TXLNB: variants seen among roughly 807,000 people sequenced by gnomAD.
TXLNB encodes taxilin beta.
Under a neutral mutation model 57.4 loss-of-function variants are expected in TXLNB, and 37 were observed. The observed-to-expected ratio is 0.64, with a 90% CI of 0.50 to 0.85. The LOEUF (loss-of-function observed/expected upper bound fraction) is 0.85. Ranked by LOEUF, TXLNB falls within the 40% of genes least tolerant of loss-of-function variation. The pLI is 0.00. For synonymous variants in TXLNB, 302 were observed against 309.6 expected, an observed-to-expected ratio of 0.98 and a Z score of 0.26; for missense variants, 848 against 825.6, an observed-to-expected ratio of 1.03 and a Z score of -0.33.
At chr6:139,222,731 C>T in the TXLNB span, among the ~76,000 whole-genome samples, 4 of 152,088 alleles carry the variant, frequency 2.6e-5, no homozygotes, top group African/African-American at 4.8e-5. Flanking sequence ...GCTTAGAACC[C>T]GGGAGGTGGA....
At chr6:139,232,288 T>C in the TXLNB span, among the ~76,000 whole-genome samples, 1 of 152,158 alleles carries the variant, frequency 6.6e-6, no homozygotes, top group Non-Finnish European at 1.5e-5. Context: ...TCACTCACTA[T>C]CATGAGAACA....
the TXLNB span, among the ~76,000 whole-genome samples, chr6:139,321,333 C>T: frequency 6.6e-6 from 1 of 152,138 alleles, no homozygotes; most frequent in South Asian, 2.1e-4. Context: ...CAGAGAGTTG[C>T]CTTGTGCCTT....
chr6:139,319,879 A>G, the TXLNB span, among the ~76,000 whole-genome samples: 13 of 152,380 alleles, frequency 8.5e-5, no homozygotes, highest in Non-Finnish European at 1.8e-4. Flanking sequence ...ACAACAGGAA[A>G]TGAGACATTT....
chr6:139,207,540 G>A, the TXLNB span, among the ~76,000 whole-genome samples: 6 of 152,108 alleles, frequency 3.9e-5, no homozygotes, highest in South Asian at 2.1e-4. Context: ...CTGAAAGAGC[G>A]CAAATAGACG....
At chr6:139,281,099 C>G (rs985695562) in intron 2 of TXLNB, among the ~76,000 whole-genome samples, 1 of 151,910 alleles carries the variant, frequency 6.6e-6, no homozygotes, top group African/African-American at 2.4e-5. Flanking sequence ...TGTGTGGACT[C>G]TCAAACTCTC....
chr6:139,172,647 A>C, the TXLNB span, among the ~76,000 whole-genome samples: 2 of 152,208 alleles, frequency 1.3e-5, no homozygotes, highest in East Asian at 1.9e-4. Flanking sequence ...GACAATGTGT[A>C]GCAGAACTGA....
chr6:139,167,352 T>C, the TXLNB span: 3 of 1,487,998 alleles, frequency 2.0e-6, no homozygotes, highest in Middle Eastern at 5.3e-4. Context: ...CCTTGCCTGC[T>C]TTCTGTTTGT....
the TXLNB span, among the ~76,000 whole-genome samples, chr6:139,191,063 T>C: frequency 6.6e-6 from 1 of 152,186 alleles, no homozygotes; most frequent in Admixed American, 6.5e-5. Flanking sequence ...TGCCATTCAG[T>C]ACAGCAGCCT....
At chr6:139,174,413 C>T in the TXLNB span, 14 of 1,613,514 alleles carry the variant, frequency 8.7e-6, no homozygotes, top group African/African-American at 9.4e-5. Context: ...ATGCCGTGTG[C>T]GTGGACTGCC....
chr6:139,207,604 C>G, the TXLNB span, among the ~76,000 whole-genome samples: 1 of 151,972 alleles, frequency 6.6e-6, no homozygotes, highest in Admixed American at 6.6e-5. Flanking sequence ...TAAATACAAG[C>G]CCAGCAGAAG....
At chr6:139,246,593 G>T (rs370589198) in intron 8 of TXLNB, among the ~76,000 whole-genome samples, 4 of 152,008 alleles carry the variant, frequency 2.6e-5, no homozygotes, top group Admixed American at 2.0e-4. Flanking sequence ...TGTGAGTTAG[G>T]CAGGGAAAGT....
At chr6:139,284,419 TCG>T (rs1319278665) in intron 2 of TXLNB, among the ~76,000 whole-genome samples, 4 of 144,644 alleles carry the variant, frequency 2.8e-5, no homozygotes, top group Middle Eastern at 3.6e-3. Flanking sequence ...TCCCAGCTAC[TCG>T]AGAGGCTGAG....
the TXLNB span, among the ~76,000 whole-genome samples, chr6:139,181,547 A>G: frequency 6.6e-6 from 1 of 152,170 alleles, no homozygotes; most frequent in Non-Finnish European, 1.5e-5. Context: ...ATTTTACCCA[A>G]AAGTGACCCC....
At chr6:139,194,597 A>G in the TXLNB span, among the ~76,000 whole-genome samples, 1 of 152,218 alleles carries the variant, frequency 6.6e-6, no homozygotes, top group African/African-American at 2.4e-5. Context: ...ACCACCTCAC[A>G]CAACTCAGCA....
intron 8 of TXLNB, 144 bp downstream of exon 8, chr6:139,247,673 C>A: frequency 2.0e-6 from 1 of 504,492 alleles, no homozygotes; most frequent in Non-Finnish European, 3.5e-6. Context: ...AAAAATACAG[C>A]CCAAACCTCA....
the TXLNB span, among the ~76,000 whole-genome samples, chr6:139,209,877 C>T: frequency 3.3e-5 from 5 of 152,066 alleles, no homozygotes; most frequent in Admixed American, 2.0e-4. Flanking sequence ...CCTAATTAAA[C>T]CAAAAAGATT....
At chr6:139,288,237 G>A (rs1777221435) in intron 2 of TXLNB, among the ~76,000 whole-genome samples, 2 of 152,276 alleles carry the variant, frequency 1.3e-5, no homozygotes, top group South Asian at 4.1e-4. Context: ...AAAGATTTTG[G>A]TCTTCATCCT....
chr6:139,321,788 C>G, the TXLNB span, among the ~76,000 whole-genome samples: 3 of 151,664 alleles, frequency 2.0e-5, no homozygotes, highest in African/African-American at 4.8e-5. Flanking sequence ...CCCACCACCA[C>G]GCCTGGCTAA....
the TXLNB span, among the ~76,000 whole-genome samples, chr6:139,199,053 C>T: frequency 6.6e-6 from 1 of 151,298 alleles, no homozygotes; most frequent in Non-Finnish European, 1.5e-5. Context: ...GATAAAGGTT[C>T]ATATTTAGGT....
Sources: allele counts gnomAD v4.1 joint callset (sites outside exome capture counted in the v4.1 genomes callset), GRCh38; gene constraint gnomAD v4.1.1; transcripts MANE v1.5; gene names NCBI Gene and HGNC (gene_info 2026-07-23, HGNC 2026-07-21).